ADAMTS17: variants seen among roughly 807,000 people sequenced by gnomAD.
The protein encoded by ADAMTS17 is A disintegrin and metalloproteinase with thrombospondin motifs 17.
ADAMTS17 carries 113 observed loss-of-function variants against 141.5 expected under a neutral mutation model. The observed-to-expected ratio is 0.80, with a 90% confidence interval of 0.69 to 0.93. The LOEUF is 0.93. Ranked by LOEUF, ADAMTS17 falls within the 40% of genes least tolerant of loss-of-function variation. The pLI is 0.00. For synonymous variants in ADAMTS17, 768 were observed against 630.6 expected (o/e 1.22, Z -3.27); for missense variants, 1,659 against 1,517.9 (o/e 1.09, Z -1.54).
intron 14 of ADAMTS17, among the ~76,000 whole-genome samples, chr15:100,102,261 C>T (rs2036144510): frequency 6.6e-6 from 1 of 152,082 alleles, no homozygotes; most frequent in Admixed American, 6.5e-5. Context: ...TATTTGAGAA[C>T]AAGCAACAGG....
At chr15:100,075,118 G>C (rs1039894857) in intron 15 of ADAMTS17, among the ~76,000 whole-genome samples, 1 of 151,970 alleles carries the variant, frequency 6.6e-6, no homozygotes, top group African/African-American at 2.4e-5. Context: ...TTTGTCCCTG[G>C]ATATTACAAA....
At chr15:100,334,814 G>C (rs956892986) in intron 2 of ADAMTS17, among the ~76,000 whole-genome samples, 2 of 152,180 alleles carry the variant, frequency 1.3e-5, no homozygotes, top group African/African-American at 4.8e-5. Context: ...CCTCACTTCA[G>C]TGTCAGCCCT....
rs563665478 is a variant in ADAMTS17 at position 100,185,216 on chromosome 15, C to G, written c.1181+14102G>C. 2.0e-5 allele frequency among the ~76,000 whole-genome samples: 3 copies of G among 152,294 alleles called. No homozygotes were observed. In the South Asian group the frequency reaches 6.2e-4, roughly 32 times the overall value. ...TTAAGTTCCCTGTGCCTCAGTTTCCCTACCTGTAGAATGGAGAGAACGACA... is the reference window on the plus strand; with the variant it reads ...TTAAGTTCCCTGTGCCTCAGTTTCCGTACCTGTAGAATGGAGAGAACGACA... On this transcript the variant is annotated intron_variant, in intron 8 of 21. Coordinates refer to ENST00000268070, the MANE Select transcript of ADAMTS17 (RefSeq NM_139057.4).
At chr15:100,105,235 T>C (rs1027960997) in intron 14 of ADAMTS17, among the ~76,000 whole-genome samples, 2 of 152,132 alleles carry the variant, frequency 1.3e-5, no homozygotes, top group Non-Finnish European at 2.9e-5. Flanking sequence ...CTTTCGAGAA[T>C]TGGTAGGCAG....
chr15:100,329,763 C>T (rs1483431565), intron 3 of ADAMTS17, among the ~76,000 whole-genome samples: 4 of 152,172 alleles, frequency 2.6e-5, no homozygotes, highest in African/African-American at 9.7e-5. Context: ...TAATACTCAC[C>T]TTGCCCACAC....
chr15:100,198,972 C>T (rs2041221433), intron 8 of ADAMTS17, among the ~76,000 whole-genome samples: 1 of 152,190 alleles, frequency 6.6e-6, no homozygotes, highest in Non-Finnish European at 1.5e-5. Context: ...AAGATGCATC[C>T]CATTATGTGA....
intron 15 of ADAMTS17, chr15:100,063,536 C>T (rs962084167): frequency 1.7e-6 from 1 of 589,800 alleles, no homozygotes; most frequent in Admixed American, 2.4e-5. Flanking sequence ...ACTGTGTGGT[C>T]CCCTCTGGGT....
At chr15:100,075,679 T>A (rs1284004734) in intron 15 of ADAMTS17, among the ~76,000 whole-genome samples, 3 of 152,258 alleles carry the variant, frequency 2.0e-5, no homozygotes, top group Non-Finnish European at 4.4e-5. Flanking sequence ...ATATTATCTG[T>A]ACACATATCT....
intron 20 of ADAMTS17, chr15:99,979,702 C>T (rs1224553895): frequency 6.6e-6 from 1 of 152,192 alleles, no homozygotes; most frequent in Non-Finnish European, 1.5e-5. Flanking sequence ...ACTACAATCA[C>T]CAGGTTGCAC....
At chr15:100,137,804 C>CCCACCCTTTCACTACCAACAT (rs1161049397) in intron 10 of ADAMTS17, among the ~76,000 whole-genome samples, 2 of 152,160 alleles carry the variant, frequency 1.3e-5, no homozygotes, top group African/African-American at 4.8e-5. Context: ...AACACCAACA[C>CCCACCCTTTCACTACCAACAT]CCACCCTTTC....
intron 20 of ADAMTS17, among the ~76,000 whole-genome samples, chr15:99,990,626 CTTT>C (rs10593374): frequency 7.2e-5 from 10 of 138,454 alleles, no homozygotes; most frequent in South Asian, 2.3e-4. Context: ...GGAAATTTGG[CTTT>C]TTTTTTTTTT....
chr15:99,982,634 CT>C (rs1171904599), intron 20 of ADAMTS17, among the ~76,000 whole-genome samples: 2 of 152,334 alleles, frequency 1.3e-5, no homozygotes, highest in African/African-American at 4.8e-5. Context: ...ATTTTTCAGG[CT>C]TTAATCATCC....
chr15:100,211,479 C>G (rs151272697), intron 7 of ADAMTS17, among the ~76,000 whole-genome samples: 295 of 152,174 alleles, frequency 1.9e-3, no homozygotes, highest in African/African-American at 6.8e-3. Flanking sequence ...CAGAAACAAA[C>G]TCAAAATGGA....
At chr15:100,152,460 A>T in intron 10 of ADAMTS17, 152 bp downstream of exon 10, 1 of 1,011,626 alleles carries the variant, frequency 9.9e-7, no homozygotes, top group Admixed American at 2.0e-5. Context: ...CTGTATGCAA[A>T]CGTGTGTGTG....
At chr15:100,024,062 T>A (rs1008147365) in intron 18 of ADAMTS17, among the ~76,000 whole-genome samples, 10 of 151,782 alleles carry the variant, frequency 6.6e-5, no homozygotes, top group African/African-American at 2.4e-4. Flanking sequence ...GCAATTCCTA[T>A]GCAATCAAAA....
intron 8 of ADAMTS17, among the ~76,000 whole-genome samples, chr15:100,189,212 C>T (rs1406203505): frequency 6.6e-6 from 1 of 152,238 alleles, no homozygotes; most frequent in East Asian, 1.9e-4. Flanking sequence ...AAATGTGGGG[C>T]TTCTTCCCTC....
At chr15:100,061,353 C>G (rs1211501433) in intron 15 of ADAMTS17, among the ~76,000 whole-genome samples, 1 of 152,108 alleles carries the variant, frequency 6.6e-6, no homozygotes, top group Non-Finnish European at 1.5e-5. Context: ...ACCTTGCAGC[C>G]CATTTAGGGA....
At chr15:100,140,637 C>T (rs2038596567) in intron 10 of ADAMTS17, among the ~76,000 whole-genome samples, 1 of 151,954 alleles carries the variant, frequency 6.6e-6, no homozygotes, top group East Asian at 1.9e-4. Flanking sequence ...TCTTTCCTAC[C>T]CACATCAACC....
rs112628402 is a variant in ADAMTS17, at chr15:100,040,195, G to A, written c.2591+8662C>T. 1.1e-4 allele frequency among the ~76,000 whole-genome samples: 16 copies of A among 152,264 alleles called. 1 individual carries two copies. Among genetic ancestry groups the A allele is most frequent in the Admixed American group, 4.6e-4 (7 of 15,298 alleles). On this transcript the variant is annotated intron_variant, in intron 18 of 21. Coordinates refer to ENST00000268070, the MANE Select transcript of ADAMTS17 (RefSeq NM_139057.4). ...CATTAGACCCCAAGGGGAAAGGGCC[G>A]TTTTGAGACGCAGCCACCAACATAT...
Sources: allele counts gnomAD v4.1 joint callset (sites outside exome capture counted in the v4.1 genomes callset), GRCh38; gene constraint gnomAD v4.1.1; transcripts MANE v1.5; gene names NCBI Gene and HGNC (gene_info 2026-07-23, HGNC 2026-07-21).